PCDHA4: variants seen among roughly 807,000 people sequenced by gnomAD.
The protein encoded by PCDHA4 is protocadherin alpha-4.
In PCDHA4, 49 loss-of-function variants were observed where a neutral mutation model predicts 61.4. That is an observed-to-expected ratio of 0.80 (90% confidence interval 0.63 to 1.01). The LOEUF is 1.01. Ranked by LOEUF, PCDHA4 falls within the 50% of genes least tolerant of loss-of-function variation. The pLI, the probability that PCDHA4 is intolerant of heterozygous loss-of-function variation, is 0.00. For synonymous variants in PCDHA4, 590 were observed against 550.3 expected, an observed-to-expected ratio of 1.07 and a Z score of -1.01; for missense variants, 1,254 against 1,235.8, an observed-to-expected ratio of 1.01 and a Z score of -0.22.
At chr5:140,908,019 G>A (rs1031093375) in intron 1 of PCDHA4, among the ~76,000 whole-genome samples, 1 of 152,122 alleles carries the variant, frequency 6.6e-6, no homozygotes, top group Non-Finnish European at 1.5e-5. Context: ...ACTGGCTACA[G>A]CCCATTAATC....
intron 1 of PCDHA4, among the ~76,000 whole-genome samples, chr5:140,943,674 A>G (rs1401531217): frequency 6.6e-6 from 1 of 152,240 alleles, no homozygotes; most frequent in Non-Finnish European, 1.5e-5. Context: ...TAAAGTGTGA[A>G]AAAAAGGGAT....
chr5:140,992,470 G>T (rs1027762445), intron 3 of PCDHA4, among the ~76,000 whole-genome samples: 2 of 152,192 alleles, frequency 1.3e-5, no homozygotes, highest in African/African-American at 4.8e-5. Context: ...GTACTCTTTA[G>T]ATCACCCAGA....
intron 1 of PCDHA4, among the ~76,000 whole-genome samples, chr5:140,945,509 GTAAA>G (rs1266877059): frequency 6.6e-6 from 1 of 151,782 alleles, no homozygotes; most frequent in Non-Finnish European, 1.5e-5. Context: ...ATTGAGCAAA[GTAAA>G]TAAATAAATA....
At chr5:140,832,383 C>T (rs1771959365) in intron 1 of PCDHA4, among the ~76,000 whole-genome samples, 1 of 152,184 alleles carries the variant, frequency 6.6e-6, no homozygotes, top group Non-Finnish European at 1.5e-5. Context: ...CTTGAAATGG[C>T]AGAAACTGGT....
In PCDHA4 at chr5:140,857,513, G is replaced by T. The variant is rs781950263; in HGVS notation, c.2385+47941G>T. 3 of 1,598,208 alleles carry T rather than the reference G, an allele frequency of 1.9e-6. No individual in the cohort carries two copies. In the South Asian group the frequency reaches 3.3e-5, roughly 18 times the overall value. On this transcript the variant is annotated intron_variant, in intron 1 of 3. Transcript: ENST00000530339. ...CGCGGACGCGCAGGAGAACGCCCTG[G>T]TGTCCTACTCTCTGGTGGAGCGGCG...
chr5:140,868,063 C>T (rs1554161737), intron 1 of PCDHA4: 1 of 151,920 alleles, frequency 6.6e-6, no homozygotes, highest in African/African-American at 2.4e-5. Context: ...CAAAGATGTT[C>T]AGGGTGATTT....
chr5:140,933,833 A>G (rs944428844), intron 1 of PCDHA4, among the ~76,000 whole-genome samples: 1 of 151,928 alleles, frequency 6.6e-6, no homozygotes, highest in East Asian at 1.9e-4. Flanking sequence ...TATTGCTCCT[A>G]TTTCATTCCT....
intron 1 of PCDHA4, chr5:140,969,495 C>G: frequency 7.0e-7 from 1 of 1,437,888 alleles, no homozygotes; most frequent in Non-Finnish European, 9.2e-7. Context: ...TATTTCCTCT[C>G]TAGAAAAATA....
chr5:140,870,133 G>A, intron 1 of PCDHA4: 1 of 1,613,974 alleles, frequency 6.2e-7, no homozygotes, highest in African/African-American at 1.3e-5. Context: ...GGACACCAAC[G>A]ATAACTCTCC....
At chr5:140,877,489 G>C (rs782165291) in intron 1 of PCDHA4, 3 of 1,613,844 alleles carry the variant, frequency 1.9e-6, no homozygotes, top group Non-Finnish European at 1.7e-6. Context: ...GGTGGAGAAC[G>C]GCCAGGCCCC....
chr5:140,843,875 G>A (rs1044145588), intron 1 of PCDHA4: 18 of 764,320 alleles, frequency 2.4e-5, no homozygotes, highest in Middle Eastern at 3.9e-4. Context: ...TTTCTCAGTG[G>A]CATAATACAG....
In PCDHA4 at chr5:140,882,158, C is replaced by T. The variant is rs2058980027; in HGVS notation, c.2385+72586C>T. ...GAAAATATAGCAGAAAGCGGAATAC[C>T]TCTTGCGAATCCTTCCGCACTAGGA... On this transcript the variant is annotated intron_variant, in intron 1 of 3. Coordinates refer to ENST00000530339, the MANE Select transcript of PCDHA4 (RefSeq NM_018907.4). The T allele has an allele frequency of 4.6e-6, 7 of 1,507,380 alleles. No homozygotes were observed. The South Asian group carries it at 8.2e-5, about 18-fold the overall frequency. 93.4% of individuals were successfully genotyped at this position (1,507,380 alleles called of 1,614,324 possible). A position where few individuals can be genotyped will look rare whatever the true frequency, so the allele number is the denominator to read the frequency against.
chr5:140,877,396 G>T (rs781989521), intron 1 of PCDHA4: 43 of 1,613,834 alleles, frequency 2.7e-5, no homozygotes, highest in South Asian at 1.8e-4. Context: ...TGAGGCGGAC[G>T]CTCCGCGCCA....
Position 140,849,797 on chromosome 5 carries a change from A to G in PCDHA4, c.2385+40225A>G, listed in dbSNP as rs2150450643. On this transcript the variant is annotated intron_variant, in intron 1 of 3. Coordinates refer to ENST00000530339, the MANE Select transcript of PCDHA4 (RefSeq NM_018907.4). ...CCGCGCGGGACGGGGGCTCGCCTTC[A>G]CTGTGGGCCACGGCCAGGGTGTCTG... 700 of 1,597,928 alleles carry G rather than the reference A, an allele frequency of 4.4e-4. 59 individuals carry two copies. Among genetic ancestry groups the G allele is most frequent in the Non-Finnish European group, 5.7e-4 (663 of 1,167,700 alleles).
chr5:140,957,513 T>C (rs76093065), intron 1 of PCDHA4, among the ~76,000 whole-genome samples: 3,563 of 152,232 alleles, frequency 0.023, 49 homozygotes, highest in Middle Eastern at 0.034. Flanking sequence ...TTATCCTTGG[T>C]TTCAGACATT....
At chr5:140,843,901 A>C in intron 1 of PCDHA4, 3 of 653,454 alleles carry the variant, frequency 4.6e-6, no homozygotes, top group South Asian at 2.2e-5. Context: ...ATCATTCTCC[A>C]CAAGTTGGGT....
intron 1 of PCDHA4, chr5:140,837,289 A>G (rs1775001022): frequency 6.6e-6 from 1 of 152,010 alleles, no homozygotes; most frequent in Non-Finnish European, 1.5e-5. Flanking sequence ...TTTTTAACTT[A>G]CTTTGTTGAG....
chr5:140,825,260 A>G (rs1768492888), intron 1 of PCDHA4: 1 of 151,070 alleles, frequency 6.6e-6, no homozygotes, highest in African/African-American at 2.4e-5. Flanking sequence ...TTGTGTAGGT[A>G]TGTGATTGGT....
chr5:140,907,009 C>A (rs2193983), intron 1 of PCDHA4, among the ~76,000 whole-genome samples: 26,809 of 152,052 alleles, frequency 0.18, 2,652 homozygotes, highest in African/African-American at 0.27. Flanking sequence ...GGAACTAAGA[C>A]CTCTAGGCCA....
Sources: gnomAD v4.1 joint callset for allele counts (sites outside exome capture counted in the v4.1 genomes callset) on GRCh38, gnomAD v4.1.1 for gene constraint, MANE v1.5 for transcripts, NCBI Gene and HGNC (gene_info 2026-07-23, HGNC 2026-07-21) for gene names.